Variants in CACNA1A observed in about 807,000 individuals in gnomAD.
CACNA1A encodes the protein calcium voltage-gated channel subunit alpha1 A, also known as voltage-dependent P/Q-type calcium channel subunit alpha-1A.
In CACNA1A, 57 loss-of-function variants were observed where a neutral mutation model predicts 262.4. The observed-to-expected ratio is 0.22, with a 90% CI of 0.18 to 0.27. The LOEUF is 0.27. Among genes scored for constraint, CACNA1A ranks in the 10% least tolerant of loss-of-function variants. The pLI, the probability that CACNA1A is intolerant of heterozygous loss-of-function variation, is 1.00. For synonymous variants in CACNA1A, 1,431 were observed against 1,419.3 expected (o/e 1.01, Z -0.18); for missense variants, 2,526 against 3,562.8 (o/e 0.71, Z 7.41).
chr19:13,282,266 A>G (rs1423644209), intron 22 of CACNA1A, among the ~76,000 whole-genome samples: 1 of 149,858 alleles, frequency 6.7e-6, no homozygotes, highest in Non-Finnish European at 1.5e-5. Flanking sequence ...CTACTTAGCC[A>G]GGGCAGCAGA....
intron 1 of CACNA1A, among the ~76,000 whole-genome samples, chr19:13,474,019 G>A (rs1978305718): frequency 6.6e-6 from 1 of 152,194 alleles, no homozygotes; most frequent in South Asian, 2.1e-4. Context: ...CATCCATGAA[G>A]ATTCTCCTTG....
intron 2 of CACNA1A, among the ~76,000 whole-genome samples, chr19:13,454,154 T>C (rs1409204274): frequency 2.0e-5 from 3 of 151,734 alleles, no homozygotes; most frequent in South Asian, 2.1e-4. Flanking sequence ...ATTTAAATCA[T>C]TGACCGTTGG....
chr19:13,439,808 G>A (rs2060684137), intron 3 of CACNA1A, among the ~76,000 whole-genome samples: 1 of 152,168 alleles, frequency 6.6e-6, no homozygotes, highest in Non-Finnish European at 1.5e-5. Flanking sequence ...GGGGCCAGAA[G>A]AGGGGATTTG....
chr19:13,271,417 C>G (rs1163159206), intron 24 of CACNA1A: 2 of 151,870 alleles, frequency 1.3e-5, no homozygotes, highest in East Asian at 3.9e-4. Context: ...GATGGGGTTT[C>G]ACCATGTTGG....
intron 3 of CACNA1A, among the ~76,000 whole-genome samples, chr19:13,390,052 A>G (rs1312358845): frequency 6.6e-6 from 1 of 151,502 alleles, no homozygotes; most frequent in Non-Finnish European, 1.5e-5. Context: ...TGACCTCACA[A>G]TCTGCCCATC....
chr19:13,265,569 C>G (rs1169901869), intron 24 of CACNA1A, among the ~76,000 whole-genome samples: 1 of 152,142 alleles, frequency 6.6e-6, no homozygotes, highest in South Asian at 2.1e-4. Flanking sequence ...GTGAGACACA[C>G]GTTGGACAGT....
At chr19:13,447,583 C>G (rs2060839379) in intron 3 of CACNA1A, among the ~76,000 whole-genome samples, 1 of 152,182 alleles carries the variant, frequency 6.6e-6, no homozygotes, top group East Asian at 1.9e-4. Flanking sequence ...CCCACGATAG[C>G]CCATCTGAAG....
chr19:13,277,344 A>C, intron 22 of CACNA1A: 1 of 478,534 alleles, frequency 2.1e-6, no homozygotes, highest in Non-Finnish European at 3.8e-6. Flanking sequence ...TGTCCAGCAG[A>C]TGGCAGCAAA....
At chr19:13,296,545 G>A (rs2057670218) in intron 19 of CACNA1A, among the ~76,000 whole-genome samples, 1 of 152,148 alleles carries the variant, frequency 6.6e-6, no homozygotes, top group African/African-American at 2.4e-5. Context: ...TGCCTCAAAA[G>A]CTTTCTAACA....
chr19:13,239,229 G>A (rs1375443606), intron 31 of CACNA1A, among the ~76,000 whole-genome samples: 1 of 151,784 alleles, frequency 6.6e-6, no homozygotes, highest in African/African-American at 2.4e-5. Context: ...TTCTTCGGCT[G>A]TCTCCAGGCC....
At chr19:13,437,469 T>C (rs1022613245) in intron 3 of CACNA1A, among the ~76,000 whole-genome samples, 1 of 151,966 alleles carries the variant, frequency 6.6e-6, no homozygotes, top group African/African-American at 2.4e-5. Context: ...GGAGGGTGGA[T>C]CACCTGAGGT....
Position 13,285,223 on chromosome 19 carries a change from C to T in CACNA1A, c.3554-17G>A. The T allele has an allele frequency of 6.2e-7, 1 of 1,613,250 alleles. No homozygotes were observed. The highest frequency in any genetic ancestry group is 8.5e-7 in the Non-Finnish European group (1 of 1,179,484). ...TTTTGTTCACTGTTGGGACAAGAACCAACACAGGGCTCCCTCCACAATTTC... is the reference window on the plus strand; with the variant it reads ...TTTTGTTCACTGTTGGGACAAGAACTAACACAGGGCTCCCTCCACAATTTC... On this transcript the variant is annotated splice_polypyrimidine_tract_variant and intron_variant, in intron 20 of 46. Coordinates refer to ENST00000360228, the MANE Select transcript of CACNA1A (RefSeq NM_001127222.2).
intron 17 of CACNA1A, among the ~76,000 whole-genome samples, chr19:13,303,128 G>A (rs893624609): frequency 5.9e-5 from 9 of 152,054 alleles, no homozygotes; most frequent in Admixed American, 5.2e-4. Context: ...CATGGTTCTG[G>A]GTTCTCTAAG....
chr19:13,418,205 A>G (rs1460936882), intron 3 of CACNA1A, among the ~76,000 whole-genome samples: 1 of 152,148 alleles, frequency 6.6e-6, no homozygotes, highest in East Asian at 1.9e-4. Flanking sequence ...TAATGTATGA[A>G]AAGTCCTTAG....
chr19:13,266,295 C>T (rs886806733), intron 24 of CACNA1A, among the ~76,000 whole-genome samples: 2 of 151,992 alleles, frequency 1.3e-5, no homozygotes, highest in African/African-American at 4.8e-5. Flanking sequence ...CAGCCTCCAA[C>T]TCCTGGGCTC....
Position 13,413,899 on chromosome 19 carries a change from G to GAAAAGAAAAGA in CACNA1A, c.539+38976_539+38977insTCTTTTCTTTT, listed in dbSNP as rs1393519384. 2.3e-3 allele frequency among the ~76,000 whole-genome samples: 75 copies of GAAAAGAAAAGA among 32,000 alleles called. 1 individual carries two copies. Among genetic ancestry groups the GAAAAGAAAAGA allele is most frequent in the African/African-American group, 5.2e-3 (61 of 11,666 alleles). The allele number at this position is 32,000 out of a possible 152,430, so 21.0% of individuals were successfully genotyped here. A position where few individuals can be genotyped will look rare whatever the true frequency, so the allele number is the denominator to read the frequency against. Reference sequence around the variant, plus strand: ...CTGTCAAGAAAGAAAGAAAGAAAAAGAAAGAAAGAAAGAAAGAAAGAAAGA... The same window carrying GAAAAGAAAAGA: ...CTGTCAAGAAAGAAAGAAAGAAAAAGAAAAGAAAAGAAAAGAAAGAAAGAAAGAAAGAAAGA... On this transcript the variant is annotated intron_variant, in intron 3 of 46. Coordinates refer to ENST00000360228, the MANE Select transcript of CACNA1A (RefSeq NM_001127222.2).
At chr19:13,302,203 A>G (rs763311652) in intron 17 of CACNA1A, among the ~76,000 whole-genome samples, 4 of 151,874 alleles carry the variant, frequency 2.6e-5, no homozygotes, top group Non-Finnish European at 5.9e-5. Flanking sequence ...ATCTCATCTA[A>G]AATTCCAACT....
intron 1 of CACNA1A, among the ~76,000 whole-genome samples, chr19:13,495,887 A>G (rs1011156247): frequency 3.3e-5 from 5 of 151,828 alleles, no homozygotes; most frequent in African/African-American, 1.2e-4. Context: ...CCATCCAGTC[A>G]TCCATCCAGT....
At chr19:13,370,306 G>A (rs2059299205) in intron 4 of CACNA1A, among the ~76,000 whole-genome samples, 1 of 151,952 alleles carries the variant, frequency 6.6e-6, no homozygotes, top group African/African-American at 2.4e-5. Context: ...TCCCCATTTT[G>A]GCCAGGCAGG....
Sources: allele counts gnomAD v4.1 joint callset (sites outside exome capture counted in the v4.1 genomes callset), GRCh38; gene constraint gnomAD v4.1.1; transcripts MANE v1.5; gene names NCBI Gene and HGNC (gene_info 2026-07-23, HGNC 2026-07-21).